The following TMEM18 variants were observed in gnomAD, a reference collection of about 807,000 sequenced individuals.
The protein encoded by TMEM18 is transmembrane protein 18.
In TMEM18, 14 loss-of-function variants were observed where a neutral mutation model predicts 17.4. The observed-to-expected ratio is 0.80, with a 90% CI of 0.53 to 1.25. TMEM18 has a LOEUF of 1.25. TMEM18 is among the 50% of genes most tolerant of loss of function. The pLI, the probability that TMEM18 is intolerant of heterozygous loss-of-function variation, is 0.00. For synonymous variants in TMEM18, 86 were observed against 66.1 expected (o/e 1.30, Z -1.46); for missense variants, 187 against 172.1 (o/e 1.09, Z -0.48).
chr2:673,797 G>A (rs1678922635), intron 2 of TMEM18, among the ~76,000 whole-genome samples: 1 of 150,654 alleles, frequency 6.6e-6, no homozygotes, highest in Non-Finnish European at 1.5e-5. Flanking sequence ...AAGGAGGAGG[G>A]CCAGGAGAAG....
In TMEM18 at chr2:669,347, C is replaced by A; in HGVS notation, c.*233G>T. 1.8e-6 allele frequency: 1 copy of A among 559,884 alleles called. No homozygotes were observed. The allele number at this position is 559,884 out of a possible 1,614,324, so 34.7% of individuals were successfully genotyped here. On this transcript the variant is annotated 3_prime_UTR_variant, in exon 5 of 5. Coordinates refer to ENST00000281017, the MANE Select transcript of TMEM18 (RefSeq NM_152834.4). Reference sequence around the variant, plus strand: ...TATGAAGCTCTGCAGAGACCGTTCCCACAGCCTGACTACAAAGATCAGGCA... The same window carrying A: ...TATGAAGCTCTGCAGAGACCGTTCCAACAGCCTGACTACAAAGATCAGGCA...
At chr2:676,985 A>AGGCCCCGCCC (rs935280410) in intron 1 of TMEM18, among the ~76,000 whole-genome samples, 5 of 151,084 alleles carry the variant, frequency 3.3e-5, no homozygotes, top group African/African-American at 7.3e-5. Flanking sequence ...CTCCTCCACA[A>AGGCCCCGCCC]GGCCCCGCCC....
chr2:677,217 G>T (rs188450449), intron 1 of TMEM18, 72 bp downstream of exon 1: 5 of 1,544,252 alleles, frequency 3.2e-6, no homozygotes, highest in African/African-American at 1.4e-5. Context: ...CAGGCCGGGT[G>T]CTCTGTGGGG....
chr2:669,869 CAA>C lies in TMEM18; in HGVS notation c.234-21_234-20del. On this transcript the variant is annotated intron_variant, in intron 3 of 4. Transcript: ENST00000281017. ...AAATAATCTGTTTAAAAAACAAAAA[CAA>C]AAAATTACTAGGCAATACAACCAAA... 1 of 1,589,284 alleles carries C rather than the reference CAA, an allele frequency of 6.3e-7. No individual in the cohort carries two copies. Among genetic ancestry groups the C allele is most frequent in the South Asian group, 1.1e-5 (1 of 87,694 alleles).
chr2:676,960 A>G (rs372874891), intron 1 of TMEM18, among the ~76,000 whole-genome samples: 224 of 151,536 alleles, frequency 1.5e-3, no homozygotes, highest in African/African-American at 5.2e-3. Flanking sequence ...CGCCGGAGCC[A>G]GCTCACTGCG....
At chr2:672,624 T>C (rs1678878954) in intron 3 of TMEM18, among the ~76,000 whole-genome samples, 184 bp downstream of exon 3, 1 of 152,254 alleles carries the variant, frequency 6.6e-6, no homozygotes, top group African/African-American at 2.4e-5. Flanking sequence ...AAAGGGCCAC[T>C]GTGGCGCTGG....
rs572600789 is a variant in TMEM18 at position 668,615 on chromosome 2, A to C, written c.*965T>G. The stretch of plus-strand genomic sequence containing the variant: ...CACAATCAGTATTCCCTTATTGAAC[A>C]CCTATTTTTAAATATCTGGGTCTCT... On this transcript the variant is annotated 3_prime_UTR_variant, in exon 5 of 5. Transcript: ENST00000281017. The C allele has an allele frequency of 2.0e-5, 3 of 152,338 alleles. No individual in the cohort carries two copies. The highest frequency in any genetic ancestry group is 2.0e-4 in the Admixed American group (3 of 15,300). The allele number at this position is 152,338 out of a possible 1,614,324, so 9.4% of individuals were successfully genotyped here. A position where few individuals can be genotyped will look rare whatever the true frequency, so the allele number is the denominator to read the frequency against.
At position 671,283 on chromosome 2, in the gene TMEM18, G is replaced by C. The variant is rs532345017; in HGVS notation, c.234-1433C>G. 6.4e-4 allele frequency among the ~76,000 whole-genome samples: 98 copies of C among 152,210 alleles called. 1 individual carries two copies. The highest frequency in any genetic ancestry group is 5.9e-4 in the Admixed American group (9 of 15,284). On this transcript the variant is annotated intron_variant, in intron 3 of 4. Transcript: ENST00000281017. ...GGTGCTGCACCCTGGAGCTGGGTGT[G>C]GGAGGGCTTCGGGGAGGATGACCCT... is the stretch of plus-strand genomic sequence containing the variant.
At position 667,014 on chromosome 2, in the gene TMEM18, C is replaced by CT. The variant is rs34894161; in HGVS notation, c.*2565dup. ...CTTACCCTGAATTCCACCCCCAGCC[C>CT]TTTTTTTTTTTTTTTAACATTTATT... On this transcript the variant is annotated 3_prime_UTR_variant, in exon 5 of 5. Transcript: ENST00000281017. 0.76 allele frequency among the ~76,000 whole-genome samples: 106,554 copies of CT among 140,778 alleles called. 40,557 individuals carry two copies. Among genetic ancestry groups the CT allele is most frequent in the East Asian group, 0.82 (3,991 of 4,856 alleles). 92.4% of individuals were successfully genotyped at this position (140,778 alleles called of 152,430 possible).
In TMEM18 at chr2:664,799, G is replaced by C. The variant is rs1678635548; in HGVS notation, c.*4781C>G. Reference sequence around the variant, plus strand: ...GTGGAAATGTAGGCATGTGAGGTTGGAGATTTCTGTGTTGCTGTTGTCAGT... The same window carrying C: ...GTGGAAATGTAGGCATGTGAGGTTGCAGATTTCTGTGTTGCTGTTGTCAGT... On this transcript the variant is annotated 3_prime_UTR_variant, in exon 5 of 5. Coordinates refer to ENST00000281017, the MANE Select transcript of TMEM18 (RefSeq NM_152834.4). 6.6e-6 allele frequency among the ~76,000 whole-genome samples: 1 copy of C among 152,192 alleles called. No individual in the cohort carries two copies. The highest frequency in any genetic ancestry group is 2.1e-4 in the South Asian group (1 of 4,828).
At chr2:670,117 C>A in intron 3 of TMEM18, 2 of 415,972 alleles carry the variant, frequency 4.8e-6, no homozygotes, top group Non-Finnish European at 8.6e-6. Context: ...CCTCCCCCAG[C>A]AGAGAGACGT....
At chr2:670,778 G>T (rs1198367879) in intron 3 of TMEM18, 1 of 152,666 alleles carries the variant, frequency 6.6e-6, no homozygotes, top group Non-Finnish European at 1.5e-5. Context: ...GCTGGCAGGA[G>T]GCCGCAGGGC....
Position 669,529 on chromosome 2 carries a change from A to C in TMEM18, c.*51T>G, listed in dbSNP as rs959326424. On this transcript the variant is annotated 3_prime_UTR_variant, in exon 5 of 5. Transcript: ENST00000281017. Reference sequence around the variant, plus strand: ...ACGCCACGCACACTGCAGCACTGGGAGCTGCACTGGGTGGACGGGAAGGAC... The same window carrying C: ...ACGCCACGCACACTGCAGCACTGGGCGCTGCACTGGGTGGACGGGAAGGAC... The C allele has an allele frequency of 6.5e-7, 1 of 1,545,280 alleles. No homozygotes were observed. The highest frequency in any genetic ancestry group is 8.9e-7 in the Non-Finnish European group (1 of 1,118,252).
At chr2:676,331 C>G (rs1174673853) in intron 1 of TMEM18, 1 of 1,473,516 alleles carries the variant, frequency 6.8e-7, no homozygotes, top group Admixed American at 2.1e-5. Context: ...CCAATCCCAG[C>G]AGTCCTCAAC....
At chr2:676,129 C>A in intron 1 of TMEM18, 1 of 1,324,714 alleles carries the variant, frequency 7.5e-7, no homozygotes, top group Non-Finnish European at 1.0e-6. Flanking sequence ...GAATCTTGAG[C>A]CATCGCCACG....
chr2:676,136 C>T, intron 1 of TMEM18: 19 of 1,326,414 alleles, frequency 1.4e-5, no homozygotes, highest in Non-Finnish European at 1.8e-5. Flanking sequence ...GAGCCATCGC[C>T]ACGTGCAAGA....
rs1163127728 is a variant in TMEM18, at chr2:677,359, C to A, written c.-14G>T. ...GGCGGACGGCATGGTGTTGGGAAGC[C>A]CGCTCTCACAGCAACCGCCGAACCC... is the stretch of plus-strand genomic sequence containing the variant. On this transcript the variant is annotated 5_prime_UTR_variant, in exon 1 of 5. Coordinates refer to ENST00000281017, the MANE Select transcript of TMEM18 (RefSeq NM_152834.4). 1.2e-6 allele frequency: 2 copies of A among 1,610,578 alleles called. No individual in the cohort carries two copies. The highest frequency in any genetic ancestry group is 2.7e-5 in the African/African-American group (2 of 74,936).
rs556017606 is a variant in TMEM18, at chr2:667,531, T to C, written c.*2049A>G. 1 of 152,354 alleles carries C rather than the reference T, an allele frequency of 6.6e-6. No individual in the cohort carries two copies. Among genetic ancestry groups the C allele is most frequent in the East Asian group, 1.9e-4 (1 of 5,186 alleles). 9.4% of individuals were successfully genotyped at this position (152,354 alleles called of 1,614,324 possible). A position where few individuals can be genotyped will look rare whatever the true frequency, so the allele number is the denominator to read the frequency against. On this transcript the variant is annotated 3_prime_UTR_variant, in exon 5 of 5. Transcript: ENST00000281017. The stretch of plus-strand genomic sequence containing the variant: ...TATGGAGCCTGAAACCAGTGTGCTC[T>C]GTGCAACCCCCAGTGCTTTAAAGTG...
chr2:676,413 G>A, intron 1 of TMEM18: 1 of 1,331,172 alleles, frequency 7.5e-7, no homozygotes, highest in Non-Finnish European at 1.0e-6. Context: ...GCCCCGCCCT[G>A]CCCTCCAAGC....
Sources: gnomAD v4.1 joint callset for allele counts (sites outside exome capture counted in the v4.1 genomes callset) on GRCh38, gnomAD v4.1.1 for gene constraint, MANE v1.5 for transcripts, NCBI Gene and HGNC (gene_info 2026-07-23, HGNC 2026-07-21) for gene names.